The following COL12A1 variants were observed in gnomAD, a reference collection of about 807,000 sequenced individuals.
COL12A1 encodes collagen type XII alpha 1 chain.
COL12A1 carries 114 observed loss-of-function variants against 349.7 expected under a neutral mutation model. The observed-to-expected ratio is 0.33, with a 90% CI of 0.28 to 0.38. COL12A1 has a LOEUF of 0.38. COL12A1 is among the 10% of genes least tolerant of loss of function. The pLI is 1.00. For synonymous variants in COL12A1, 1,369 were observed against 1,329.0 expected (o/e 1.03, Z -0.66); for missense variants, 3,284 against 3,756.9 (o/e 0.87, Z 3.29).
chr6:75,179,291 T>A lies in COL12A1; in HGVS notation c.2165-1356A>T, dbSNP rs191081964. On this transcript the variant is annotated intron_variant, in intron 11 of 65. Coordinates refer to ENST00000322507, the MANE Select transcript of COL12A1 (RefSeq NM_004370.6). ...AAAACTAGAGTGTGTATGAATGGAG[T>A]GACTTCTACTCAAAAACCCTGAGAC... 2.0e-3 allele frequency among the ~76,000 whole-genome samples: 311 copies of A among 152,122 alleles called. 2 individuals are homozygous for A. Among genetic ancestry groups the A allele is most frequent in the Admixed American group, 3.5e-3 (53 of 15,284 alleles).
chr6:75,202,973 G>A (rs1384125612), intron 1 of COL12A1, 146 bp from the exon 2 acceptor site: 2 of 576,632 alleles, frequency 3.5e-6, no homozygotes, highest in Admixed American at 6.2e-5. Flanking sequence ...TGGGCCTATT[G>A]TGAAGCAGTG....
chr6:75,120,328 T>A (rs1769293433), intron 44 of COL12A1, among the ~76,000 whole-genome samples: 1 of 152,230 alleles, frequency 6.6e-6, no homozygotes, highest in Non-Finnish European at 1.5e-5. Flanking sequence ...AGTATACTAC[T>A]ATTCCATAAA....
chr6:75,179,402 T>C (rs1020125522), intron 11 of COL12A1, among the ~76,000 whole-genome samples: 1 of 152,094 alleles, frequency 6.6e-6, no homozygotes, highest in African/African-American at 2.4e-5. Flanking sequence ...AGTGTGGGCA[T>C]TACAGGAAAA....
chr6:75,148,632 C>A (rs1272127932), intron 21 of COL12A1, 135 bp from the exon 22 acceptor site: 5 of 725,574 alleles, frequency 6.9e-6, no homozygotes, highest in Non-Finnish European at 1.1e-5. Context: ...TAAGTAGCTA[C>A]AATAAATCTG....
chr6:75,145,299 G>C, intron 25 of COL12A1, 27 bp downstream of exon 25: 1 of 1,551,118 alleles, frequency 6.4e-7, no homozygotes. Context: ...GCAATAAGAA[G>C]GGAAATAAAA....
At chr6:75,103,843 A>T (rs1465489702) in intron 54 of COL12A1, 33 bp from the exon 55 acceptor site, 1 of 1,521,002 alleles carries the variant, frequency 6.6e-7, no homozygotes, top group Admixed American at 2.1e-5. Flanking sequence ...TAGTGTGAAC[A>T]TAGGAAAATA....
At chr6:75,164,301 T>A (rs1768170770) in intron 14 of COL12A1, among the ~76,000 whole-genome samples, 1 of 152,156 alleles carries the variant, frequency 6.6e-6, no homozygotes, top group African/African-American at 2.4e-5. Flanking sequence ...GACACAAAGA[T>A]TTTAGTTTAA....
In COL12A1 at chr6:75,181,015, C is replaced by G; in HGVS notation, c.2088G>C (p.Leu696Phe). The stretch of plus-strand genomic sequence containing the variant: ...ACTCCGCAGTCACATTGACCAAATA[C>G]AAGGTCTCTGGCTTCAGGCTGCTGA... ...VVLSSLKPET[L>F]YLVNVTAEYE... Residue 696 changes from leucine (L) to phenylalanine (F), a missense_variant, in exon 11 of 66, where the codon TTG (leucine) becomes TTC (phenylalanine). Leu to Phe is a conservative substitution (Grantham distance 22). Transcript: ENST00000322507. 6.2e-7 allele frequency: 1 copy of G among 1,614,136 alleles called. No individual in the cohort carries two copies. Among genetic ancestry groups the G allele is most frequent in the Non-Finnish European group, 8.5e-7 (1 of 1,180,034 alleles).
chr6:75,089,040 T>A, intron 64 of COL12A1, 66 bp downstream of exon 64: 1 of 1,130,432 alleles, frequency 8.8e-7, no homozygotes, highest in Non-Finnish European at 1.3e-6. Flanking sequence ...GTTGTGAATC[T>A]CTTCGGGATG....
intron 38 of COL12A1, 108 bp downstream of exon 38, chr6:75,128,188 G>A: frequency 1.1e-6 from 1 of 911,270 alleles, no homozygotes. Flanking sequence ...TGTGGTATTT[G>A]AGATGTATTG....
At chr6:75,200,275 C>T (rs899687492) in intron 2 of COL12A1, among the ~76,000 whole-genome samples, 1 of 152,140 alleles carries the variant, frequency 6.6e-6, no homozygotes, top group Non-Finnish European at 1.5e-5. Context: ...GGCTAGCAAG[C>T]TCTTAAAATG....
chr6:75,109,100 T>G lies in COL12A1; in HGVS notation c.8018A>C (p.Asp2673Ala). 2 of 1,610,570 alleles carry G rather than the reference T, an allele frequency of 1.2e-6. No homozygotes were observed. The highest frequency in any genetic ancestry group is 1.1e-5 in the South Asian group (1 of 90,842). The change falls in exon 52 of 66, where the codon GAC becomes GCC. Residue 2673 changes from aspartate (D) to alanine (A), a missense_variant. Coordinates refer to ENST00000322507, the MANE Select transcript of COL12A1 (RefSeq NM_004370.6). ...YIDCYEIIEKDIKEAGNITTD... is the reference protein window; with the variant it reads ...YIDCYEIIEKAIKEAGNITTD... ...TGTTATATTTCCAGCTTCCTTGATG[T>G]CTTTTTCTATAATTTCATAGCAGTC...
In COL12A1 at chr6:75,192,322, C is replaced by A; in HGVS notation, c.224G>T (p.Ser75Ile). ...TTCTGACAATAAAGTTTCAGTGGTACTAGCTGAAAGGGTAAATTCTTTAGT... is the reference window on the plus strand; with the variant it reads ...TTCTGACAATAAAGTTTCAGTGGTAATAGCTGAAAGGGTAAATTCTTTAGT... ...GPTKEFTLSASTTETLLSELV... is the reference protein window; with the variant it reads ...GPTKEFTLSAITTETLLSELV... Residue 75 changes from serine (S) to isoleucine (I), a missense_variant, in exon 4 of 66, where the codon AGT becomes ATT. Transcript: ENST00000322507. 6.2e-7 allele frequency: 1 copy of A among 1,611,594 alleles called. No individual in the cohort carries two copies. Among genetic ancestry groups the A allele is most frequent in the South Asian group, 1.1e-5 (1 of 90,930 alleles).
chr6:75,102,613 G>T lies in COL12A1; in HGVS notation c.8399C>A (p.Ser2800Tyr). The change falls in exon 56 of 66, where the codon TCT (serine) becomes TAT (tyrosine). Residue 2800 changes from serine (S) to tyrosine (Y), a missense_variant. Physicochemically the swap from Ser to Tyr is moderately radical, Grantham distance 144. Transcript: ENST00000322507. ...PPGPQGPNGL[S>Y]IPGEQGRQGM... ...TGTGCTTACTTGCTCTCCCGGAATA[G>T]AGAGTCCATTGGGTCCCTGAGGGCC... is the stretch of plus-strand genomic sequence containing the variant. The T allele has an allele frequency of 1.9e-6, 3 of 1,558,000 alleles. No homozygotes were observed. The highest frequency in any genetic ancestry group is 2.6e-6 in the Non-Finnish European group (3 of 1,153,710).
In COL12A1 at chr6:75,091,356, C is replaced by T. The variant is rs1268703330; in HGVS notation, c.8719G>A (p.Val2907Ile). ...DIASQNMMRA[V>I]ARQVCEQLIS... ...AATTGTTCACAGACTTGTCTTGCAA[C>T]TGCTCGCATCATGTTCTGGGAAGCA... is the stretch of plus-strand genomic sequence containing the variant. The change falls in exon 62 of 66, where the codon GTT (valine) becomes ATT (isoleucine). Residue 2907 changes from valine (V) to isoleucine (I), a missense_variant. Val to Ile is a conservative substitution (Grantham distance 29). Transcript: ENST00000322507. The T allele has an allele frequency of 6.2e-7, 1 of 1,613,740 alleles. No individual in the cohort carries two copies. Among genetic ancestry groups the T allele is most frequent in the South Asian group, 1.1e-5 (1 of 91,072 alleles).
intron 27 of COL12A1, among the ~76,000 whole-genome samples, chr6:75,141,318 C>A (rs1484755692): frequency 1.3e-5 from 2 of 152,026 alleles, no homozygotes; most frequent in African/African-American, 4.8e-5. Flanking sequence ...TAGGAGAGAG[C>A]AAGGGGGAAG....
At chr6:75,163,013 C>G (rs1768102852) in intron 14 of COL12A1, among the ~76,000 whole-genome samples, 1 of 152,160 alleles carries the variant, frequency 6.6e-6, no homozygotes, top group African/African-American at 2.4e-5. Context: ...CAGGAAACAA[C>G]AGATGCTGGA....
intron 43 of COL12A1, among the ~76,000 whole-genome samples, chr6:75,121,690 T>C (rs1765742197): frequency 1.3e-5 from 2 of 152,154 alleles, no homozygotes; most frequent in South Asian, 4.1e-4. Flanking sequence ...GGACCCTCAA[T>C]ACCTGCTCTG....
intron 12 of COL12A1, 137 bp downstream of exon 12, chr6:75,177,526 T>C (rs926896554): frequency 2.0e-6 from 2 of 1,001,638 alleles, no homozygotes; most frequent in African/African-American, 3.3e-5. Flanking sequence ...AACTTAAATC[T>C]AAAAGGACTA....
Sources: allele counts gnomAD v4.1 joint callset (sites outside exome capture counted in the v4.1 genomes callset), GRCh38; gene constraint gnomAD v4.1.1; transcripts MANE v1.5; gene names NCBI Gene and HGNC (gene_info 2026-07-23, HGNC 2026-07-21).